The following STK32B variants were observed in gnomAD, a reference collection of about 807,000 sequenced individuals.
STK32B encodes serine/threonine kinase 32B.
STK32B carries 43 observed loss-of-function variants against 52.6 expected under a neutral mutation model. The observed-to-expected ratio is 0.82, with a 90% CI of 0.64 to 1.05. The LOEUF (loss-of-function observed/expected upper bound fraction) is 1.05, where lower values mean the gene tolerates loss of function less well. Among genes scored for constraint, STK32B ranks in the 50% least tolerant of loss-of-function variants. The pLI, the probability that STK32B is intolerant of heterozygous loss-of-function variation, is 0.00. For synonymous variants in STK32B, 238 were observed against 204.3 expected (o/e 1.17, Z -1.41); for missense variants, 621 against 534.6 (o/e 1.16, Z -1.59).
chr4:5,458,636 C>T (rs1486556392), intron 8 of STK32B: 2 of 152,518 alleles, frequency 1.3e-5, no homozygotes, highest in African/African-American at 4.8e-5. Flanking sequence ...AATCCACCAC[C>T]TGGTTCTTGA....
At chr4:5,024,873 G>A in the STK32B span, among the ~76,000 whole-genome samples, 8 of 152,200 alleles carry the variant, frequency 5.3e-5, no homozygotes, top group African/African-American at 1.7e-4. Context: ...CAGTTACAAC[G>A]GCTTTACACA....
At chr4:5,101,711 GGACT>G (rs1354214296) in intron 1 of STK32B, among the ~76,000 whole-genome samples, 1 of 151,728 alleles carries the variant, frequency 6.6e-6, no homozygotes, top group Non-Finnish European at 1.5e-5. Flanking sequence ...CCACCCTCTG[GGACT>G]GACTAACAAG....
chr4:5,226,674 G>C (rs997613940), intron 3 of STK32B, among the ~76,000 whole-genome samples: 1 of 152,148 alleles, frequency 6.6e-6, no homozygotes, highest in African/African-American at 2.4e-5. Context: ...CGGCCCCAAA[G>C]CACAAGAGAA....
chr4:5,440,105 A>G (rs1560413250), intron 6 of STK32B, among the ~76,000 whole-genome samples: 1 of 152,006 alleles, frequency 6.6e-6, no homozygotes, highest in South Asian at 2.1e-4. Flanking sequence ...TTGGTTCCAT[A>G]TGAACTTTAA....
chr4:5,418,169 A>C (rs1712316729), intron 6 of STK32B, among the ~76,000 whole-genome samples: 1 of 151,966 alleles, frequency 6.6e-6, no homozygotes, highest in Non-Finnish European at 1.5e-5. Context: ...GTGTCTTTTA[A>C]CTCTTTTGAA....
intron 2 of STK32B, among the ~76,000 whole-genome samples, chr4:5,163,175 T>G (rs910003513): frequency 6.6e-6 from 1 of 152,088 alleles, no homozygotes; most frequent in African/African-American, 2.4e-5. Flanking sequence ...GGGAAGGTAT[T>G]CCAGGCAGAG....
chr4:5,441,025 T>G (rs199846382), intron 6 of STK32B, among the ~76,000 whole-genome samples: 13,190 of 149,162 alleles, frequency 0.088, 855 homozygotes, highest in East Asian at 0.39. Flanking sequence ...TATTGAGGAT[T>G]TTTGCATCAA....
At chr4:5,445,576 C>G (rs187536111) in intron 6 of STK32B, among the ~76,000 whole-genome samples, 1 of 152,052 alleles carries the variant, frequency 6.6e-6, no homozygotes. Context: ...GAGACAAGGA[C>G]CCCAGGACAA....
intron 1 of STK32B, among the ~76,000 whole-genome samples, chr4:5,120,074 G>A (rs567500347): frequency 6.6e-6 from 1 of 152,258 alleles, no homozygotes; most frequent in African/African-American, 2.4e-5. Context: ...TCTAAGTAGC[G>A]TGATGAAATC....
In STK32B at chr4:5,446,648, G is replaced by A. The variant is rs772991609; in HGVS notation, c.563-25G>A. 6 of 1,594,072 alleles carry A rather than the reference G, an allele frequency of 3.8e-6. No homozygotes were observed. In the South Asian group the frequency reaches 6.6e-5, roughly 18 times the overall value. ...GCCATAAACTGGGATACACAATGAT[G>A]TTCTCCTTGTCCTCTCGTTGGCAGC... On this transcript the variant is annotated intron_variant, in intron 6 of 11. Transcript: ENST00000282908.
Position 5,460,739 on chromosome 4 carries a change from G to C in STK32B, c.909+511G>C, listed in dbSNP as rs1268671574. On this transcript the variant is annotated intron_variant, in intron 9 of 11. Coordinates refer to ENST00000282908, the MANE Select transcript of STK32B (RefSeq NM_018401.3). This position sits in a 1 kb window ranked among gnomAD's most constrained non-coding sequence, Gnocchi z 4.8. ...TGGGCACTGAGCCTTCCAGGCAAAG[G>C]GATCGACAAGATCACACTCTTGAAG... is the stretch of plus-strand genomic sequence containing the variant. Among the ~76,000 whole-genome samples, 1 of 152,144 alleles carries C rather than the reference G, an allele frequency of 6.6e-6. No homozygotes were observed. Among genetic ancestry groups the C allele is most frequent in the Non-Finnish European group, 1.5e-5 (1 of 68,028 alleles).
chr4:5,363,033 G>T (rs767464634), intron 4 of STK32B, among the ~76,000 whole-genome samples: 1 of 152,080 alleles, frequency 6.6e-6, no homozygotes, highest in Non-Finnish European at 1.5e-5. Flanking sequence ...TGCCCTCTCT[G>T]CTGCCAAAGC....
At chr4:5,242,310 C>T (rs1430530453) in intron 3 of STK32B, among the ~76,000 whole-genome samples, 3 of 152,196 alleles carry the variant, frequency 2.0e-5, no homozygotes, top group Non-Finnish European at 2.9e-5. Flanking sequence ...TTTTGATTTG[C>T]ATTTTTCTGA....
intron 1 of STK32B, among the ~76,000 whole-genome samples, chr4:5,090,284 C>G (rs1712998068): frequency 6.6e-6 from 1 of 151,832 alleles, no homozygotes; most frequent in Non-Finnish European, 1.5e-5. Flanking sequence ...AAGTCTTTGC[C>G]CATGACTGTG....
At chr4:5,126,691 A>C (rs1326297413) in intron 1 of STK32B, among the ~76,000 whole-genome samples, 1 of 152,224 alleles carries the variant, frequency 6.6e-6, no homozygotes, top group Non-Finnish European at 1.5e-5. Flanking sequence ...TCTTAAACCA[A>C]CCCTCAGCAG....
chr4:5,354,079 G>T (rs1734022043), intron 4 of STK32B, among the ~76,000 whole-genome samples: 4 of 152,300 alleles, frequency 2.6e-5, no homozygotes, highest in Admixed American at 2.0e-4. Flanking sequence ...CATGTCATTT[G>T]CAGCAACATG....
At chr4:5,121,055 A>G (rs1456162347) in intron 1 of STK32B, among the ~76,000 whole-genome samples, 2 of 152,046 alleles carry the variant, frequency 1.3e-5, no homozygotes, top group Non-Finnish European at 2.9e-5. Flanking sequence ...CAATCTAGTC[A>G]TTTACCCAAT....
At chr4:5,205,697 C>T (rs1476168365) in intron 3 of STK32B, among the ~76,000 whole-genome samples, 2 of 65,904 alleles carry the variant, frequency 3.0e-5, no homozygotes, top group Admixed American at 1.8e-4. Context: ...AGACCAGGCG[C>T]GCGCGCGTGT....
rs528724954 is a variant in STK32B at position 5,141,273 on chromosome 4, C to G, written c.108+1313C>G. On this transcript the variant is annotated intron_variant, in intron 2 of 11. Transcript: ENST00000282908. ...CTCTCATACAGGGTGTCAGGGACGT[C>G]CTTGATAATAGCATGACATGTGAGC... is the stretch of plus-strand genomic sequence containing the variant. Among the ~76,000 whole-genome samples, 3 of 152,252 alleles carry G rather than the reference C, an allele frequency of 2.0e-5. No individual in the cohort carries two copies. The South Asian group carries it at 6.2e-4, about 32-fold the overall frequency.
Sources: allele counts gnomAD v4.1 joint callset (sites outside exome capture counted in the v4.1 genomes callset), GRCh38; gene constraint gnomAD v4.1.1; non-coding constraint Gnocchi (gnomAD v3.1); transcripts MANE v1.5; gene names NCBI Gene and HGNC (gene_info 2026-07-23, HGNC 2026-07-21).